RAB3C: variants seen among roughly 807,000 people sequenced by gnomAD.
RAB3C encodes RAB3C, member RAS oncogene family.
Under a neutral mutation model 26.4 loss-of-function variants are expected in RAB3C, and 17 were observed. The ratio of observed to expected loss-of-function variants is 0.64; its 90% CI spans 0.44 to 0.97. The LOEUF is 0.97. RAB3C is among the 50% of genes least tolerant of loss of function. The probability of loss-of-function intolerance (pLI) is 0.00; values close to 1 mark genes in which losing one functional copy is unlikely to be tolerated. For missense variants in RAB3C, 242 were observed against 281.9 expected, an observed-to-expected ratio of 0.86 and a Z score of 1.01; for synonymous variants, 91 against 95.9, an observed-to-expected ratio of 0.95 and a Z score of 0.30.
intron 3 of RAB3C, among the ~76,000 whole-genome samples, chr5:58,785,631 T>C (rs1173417014): frequency 1.3e-5 from 2 of 152,144 alleles, no homozygotes; most frequent in African/African-American, 4.8e-5. Flanking sequence ...CAGTGTGTAA[T>C]TGAGTTTGTG....
intron 2 of RAB3C, among the ~76,000 whole-genome samples, chr5:58,706,204 T>G (rs1748941034): frequency 6.6e-6 from 1 of 152,180 alleles, no homozygotes; most frequent in South Asian, 2.1e-4. Context: ...AGCTTTACTA[T>G]CCCACTAATT....
chr5:58,739,922 T>C (rs574773738), intron 3 of RAB3C, among the ~76,000 whole-genome samples: 1 of 152,224 alleles, frequency 6.6e-6, no homozygotes, highest in Non-Finnish European at 1.5e-5. Flanking sequence ...CAATCATTAG[T>C]GGATGGTAGG....
At chr5:58,752,670 T>C (rs535811352) in intron 3 of RAB3C, among the ~76,000 whole-genome samples, 5 of 150,346 alleles carry the variant, frequency 3.3e-5, no homozygotes, top group Non-Finnish European at 5.9e-5. Flanking sequence ...AGCTATTAAG[T>C]GAAGTACCAA....
chr5:58,694,634 C>T (rs1458218617), intron 2 of RAB3C, among the ~76,000 whole-genome samples: 17 of 152,128 alleles, frequency 1.1e-4, no homozygotes, highest in Admixed American at 6.6e-4. Flanking sequence ...TTCTAACTGG[C>T]GTGAGATGCT....
intron 4 of RAB3C, among the ~76,000 whole-genome samples, chr5:58,832,191 T>C (rs1165796170): frequency 6.6e-6 from 1 of 152,156 alleles, no homozygotes; most frequent in African/African-American, 2.4e-5. Flanking sequence ...ATGTGGCCAA[T>C]AGGTGCATGG....
intron 3 of RAB3C, among the ~76,000 whole-genome samples, chr5:58,760,109 A>T (rs292951): frequency 0.36 from 54,050 of 151,990 alleles, 10,015 homozygotes; most frequent in East Asian, 0.49. Context: ...CCTCCCACTA[A>T]GGGACCATTG....
At chr5:58,638,267 T>C (rs1360787681) in intron 2 of RAB3C, among the ~76,000 whole-genome samples, 1 of 152,124 alleles carries the variant, frequency 6.6e-6, no homozygotes, top group Non-Finnish European at 1.5e-5. Flanking sequence ...TTGAGGTGTC[T>C]TTTCATTTGC....
intron 3 of RAB3C, among the ~76,000 whole-genome samples, chr5:58,763,814 G>A (rs1741843406): frequency 6.6e-6 from 1 of 152,172 alleles, no homozygotes; most frequent in Non-Finnish European, 1.5e-5. Flanking sequence ...AGAGTGATAT[G>A]GATATTATAA....
At chr5:58,741,626 A>T (rs1741275786) in intron 3 of RAB3C, 1 of 152,194 alleles carries the variant, frequency 6.6e-6, no homozygotes, top group South Asian at 2.1e-4. Flanking sequence ...ACAAATTATT[A>T]TTTATCTATG....
chr5:58,822,485 G>T, intron 3 of RAB3C: 1 of 170,400 alleles, frequency 5.9e-6, no homozygotes. Context: ...CCATGGATGA[G>T]GGTCTTTGTT....
intron 4 of RAB3C, among the ~76,000 whole-genome samples, chr5:58,838,703 G>A (rs1743803942): frequency 6.6e-6 from 1 of 152,122 alleles, no homozygotes; most frequent in Admixed American, 6.6e-5. Flanking sequence ...TGTCTGTTAG[G>A]TCCATCTGGT....
At chr5:58,760,934 G>A (rs567908051) in intron 3 of RAB3C, among the ~76,000 whole-genome samples, 116 of 152,228 alleles carry the variant, frequency 7.6e-4, no homozygotes, top group African/African-American at 2.5e-3. Flanking sequence ...AATAGATAAC[G>A]AGCATCACTT....
intron 2 of RAB3C, among the ~76,000 whole-genome samples, chr5:58,661,637 A>G (rs1747907493): frequency 6.8e-6 from 1 of 146,782 alleles, no homozygotes; most frequent in South Asian, 2.1e-4. Context: ...ACCTGCCTGT[A>G]TCTAGTGTGG....
At chr5:58,586,402 GACA>G (rs1472736971) in intron 1 of RAB3C, among the ~76,000 whole-genome samples, 1 of 152,012 alleles carries the variant, frequency 6.6e-6, no homozygotes, top group East Asian at 1.9e-4. Flanking sequence ...TAAAGAATGA[GACA>G]ACTATTGATA....
chr5:58,747,482 A>G (rs1423159901), intron 3 of RAB3C, among the ~76,000 whole-genome samples: 1 of 152,160 alleles, frequency 6.6e-6, no homozygotes, highest in African/African-American at 2.4e-5. Flanking sequence ...TCTCCGTTAA[A>G]CTTCCCTTTC....
At chr5:58,792,516 G>A (rs1478885491) in intron 3 of RAB3C, among the ~76,000 whole-genome samples, 1 of 152,090 alleles carries the variant, frequency 6.6e-6, no homozygotes, top group Non-Finnish European at 1.5e-5. Context: ...GCAAATGCAA[G>A]GGACTAGTAC....
At chr5:58,642,792 G>C (rs1747436091) in intron 2 of RAB3C, among the ~76,000 whole-genome samples, 1 of 152,194 alleles carries the variant, frequency 6.6e-6, no homozygotes, top group African/African-American at 2.4e-5. Context: ...CGCGGGGAGT[G>C]CAAACTAAAT....
At chr5:58,671,547 A>T (rs2111824458) in intron 2 of RAB3C, among the ~76,000 whole-genome samples, 2 of 152,322 alleles carry the variant, frequency 1.3e-5, no homozygotes. Context: ...CCATAAAAAA[A>T]AATTGTGCCC....
At chr5:58,710,643 T>C (rs1269323217) in intron 2 of RAB3C, among the ~76,000 whole-genome samples, 6 of 150,868 alleles carry the variant, frequency 4.0e-5, no homozygotes, top group Admixed American at 1.3e-4. Flanking sequence ...AATAAATAAA[T>C]AGAAATTTTA....
Sources: gnomAD v4.1 joint callset for allele counts (sites outside exome capture counted in the v4.1 genomes callset) on GRCh38, gnomAD v4.1.1 for gene constraint, MANE v1.5 for transcripts, NCBI Gene and HGNC (gene_info 2026-07-23, HGNC 2026-07-21) for gene names.